Variants in SRGAP1 observed in about 807,000 individuals in gnomAD.
The protein encoded by SRGAP1 is SLIT-ROBO Rho GTPase activating protein 1, also known as SLIT-ROBO Rho GTPase-activating protein 1.
A neutral mutation model predicts 121.9 loss-of-function variants in SRGAP1; 43 were observed. The observed-to-expected ratio is 0.35, with a 90% CI of 0.28 to 0.46. The LOEUF (loss-of-function observed/expected upper bound fraction) is 0.46. Ranked by LOEUF, SRGAP1 falls within the 20% of genes least tolerant of loss-of-function variation. SRGAP1 has a pLI of 1.00. For synonymous variants in SRGAP1, 447 were observed against 485.4 expected, an observed-to-expected ratio of 0.92 and a Z score of 1.04; for missense variants, 1,102 against 1,350.9, an observed-to-expected ratio of 0.82 and a Z score of 2.89.
chr12:63,852,997 A>T (rs979912802), intron 1 of SRGAP1, among the ~76,000 whole-genome samples: 11 of 151,526 alleles, frequency 7.3e-5, no homozygotes, highest in African/African-American at 2.7e-4. Flanking sequence ...ATTATCTAGG[A>T]TGTCCAAACA....
At position 64,158,013 on chromosome 12, in the gene SRGAP1, A is replaced by C. The variant is rs1650312908; in HGVS notation, c.*15341A>C. ...TGGAGGAGACATGAATCACTACTGT[A>C]CATGTCCAAGTCACATGGCAAGGGA... On this transcript the variant is annotated 3_prime_UTR_variant, in exon 22 of 22. Coordinates refer to ENST00000355086, the MANE Select transcript of SRGAP1 (RefSeq NM_020762.4). 1 of 152,248 alleles carries C rather than the reference A, an allele frequency of 6.6e-6. No individual in the cohort carries two copies. The highest frequency in any genetic ancestry group is 1.5e-5 in the Non-Finnish European group (1 of 68,082). The allele number at this position is 152,248 out of a possible 1,614,324, so 9.4% of individuals were successfully genotyped here.
intron 1 of SRGAP1, among the ~76,000 whole-genome samples, chr12:63,924,345 G>A (rs1228274119): frequency 6.6e-6 from 1 of 152,146 alleles, no homozygotes; most frequent in Non-Finnish European, 1.5e-5. Flanking sequence ...TTTCTATAAA[G>A]TACCTCTCAT....
At chr12:63,915,495 A>G (rs1169497187) in intron 1 of SRGAP1, among the ~76,000 whole-genome samples, 3 of 152,248 alleles carry the variant, frequency 2.0e-5, no homozygotes, top group African/African-American at 7.2e-5. Flanking sequence ...GATTGCATTC[A>G]TAGAGAAATA....
At chr12:63,920,394 TC>T (rs1257684537) in intron 1 of SRGAP1, among the ~76,000 whole-genome samples, 3 of 151,798 alleles carry the variant, frequency 2.0e-5, no homozygotes, top group Admixed American at 6.6e-5. Flanking sequence ...AGCAAGAGAG[TC>T]CTTGTGAATA....
At chr12:63,951,239 C>T (rs2032284190) in intron 1 of SRGAP1, among the ~76,000 whole-genome samples, 1 of 128,986 alleles carries the variant, frequency 7.8e-6, no homozygotes, top group Non-Finnish European at 1.6e-5. Context: ...TCTTGGCTCA[C>T]TGCAACCTCC....
intron 1 of SRGAP1, among the ~76,000 whole-genome samples, chr12:63,927,308 G>A (rs1484746592): frequency 1.3e-5 from 2 of 152,142 alleles, no homozygotes; most frequent in Non-Finnish European, 2.9e-5. Flanking sequence ...GACTATGACT[G>A]TACCCCTGGT....
In SRGAP1 at chr12:64,154,561, G is replaced by C. The variant is rs781219113; in HGVS notation, c.*11889G>C. 3 of 152,162 alleles carry C rather than the reference G, an allele frequency of 2.0e-5. No homozygotes were observed. The highest frequency in any genetic ancestry group is 4.4e-5 in the Non-Finnish European group (3 of 68,032). The allele number at this position is 152,162 out of a possible 1,614,324, so 9.4% of individuals were successfully genotyped here. A position where few individuals can be genotyped will look rare whatever the true frequency, so the allele number is the denominator to read the frequency against. The stretch of plus-strand genomic sequence containing the variant: ...GAATCAAGAGTGGCTCCTAGTATTT[G>C]TTTGAGCAAATGGGTGGAATATATT... On this transcript the variant is annotated 3_prime_UTR_variant, in exon 22 of 22. Transcript: ENST00000355086.
chr12:64,007,686 C>T (rs2034127026), intron 3 of SRGAP1, among the ~76,000 whole-genome samples: 1 of 152,152 alleles, frequency 6.6e-6, no homozygotes, highest in Admixed American at 6.5e-5. Flanking sequence ...CTCTATAAGG[C>T]TACAGGAGTT....
intron 1 of SRGAP1, among the ~76,000 whole-genome samples, chr12:63,943,805 A>AT (rs936190307): frequency 2.6e-5 from 4 of 152,132 alleles, no homozygotes; most frequent in Non-Finnish European, 4.4e-5. Flanking sequence ...CATTTAGGTG[A>AT]TTTTTTTAGG....
chr12:63,959,156 G>A (rs184134281), intron 1 of SRGAP1, among the ~76,000 whole-genome samples: 2 of 152,254 alleles, frequency 1.3e-5, no homozygotes, highest in East Asian at 3.9e-4. Context: ...CAGAAAACCA[G>A]ATACCATCTA....
At position 64,137,961 on chromosome 12, in the gene SRGAP1, A is replaced by AAAAAT. The variant is rs372355390; in HGVS notation, c.2881-4333_2881-4332insAAATA. 3.9e-3 allele frequency among the ~76,000 whole-genome samples: 551 copies of AAAAAT among 139,650 alleles called. 2 individuals carry two copies. Among genetic ancestry groups the AAAAAT allele is most frequent in the Admixed American group, 6.4e-3 (90 of 13,984 alleles). The allele number at this position is 139,650 out of a possible 152,430, so 91.6% of individuals were successfully genotyped here. A position where few individuals can be genotyped will look rare whatever the true frequency, so the allele number is the denominator to read the frequency against. On this transcript the variant is annotated intron_variant, in intron 21 of 21. Transcript: ENST00000355086. ...CTTTCTTAATTGTGCTTAAAAAAAA[A>AAAAAT]ATATATATATATATATATATAAAAA...
intron 1 of SRGAP1, among the ~76,000 whole-genome samples, chr12:63,886,828 C>T (rs567282387): frequency 6.6e-6 from 1 of 151,988 alleles, no homozygotes; most frequent in South Asian, 2.1e-4. Flanking sequence ...TCAGAAACAA[C>T]TTCAGAAGAA....
At chr12:63,865,856 G>A (rs1899611040) in intron 1 of SRGAP1, among the ~76,000 whole-genome samples, 1 of 152,192 alleles carries the variant, frequency 6.6e-6, no homozygotes, top group South Asian at 2.1e-4. Flanking sequence ...ACAAGCAGCA[G>A]ATCACCACAC....
chr12:63,926,319 C>T (rs1205663659), intron 1 of SRGAP1, among the ~76,000 whole-genome samples: 1 of 152,096 alleles, frequency 6.6e-6, no homozygotes, highest in Non-Finnish European at 1.5e-5. Context: ...CTATTCTATT[C>T]AGACAATCTT....
rs748723181 is a variant in SRGAP1, at chr12:64,127,886, C to T, written c.2566C>T (p.Pro856Ser). Residue 856 changes from proline to serine, a missense_variant, in exon 21 of 22, where the codon CCT (proline) becomes TCT (serine). Around this residue, in one of 3 missense-constraint regions of SRGAP1, gnomAD observed 315 missense variants for 343.1 expected, o/e 0.92. Coordinates refer to ENST00000355086, the MANE Select transcript of SRGAP1 (RefSeq NM_020762.4). ...GCAACGAAAAAGAGGAGAGCCACCCCCTCCAGTAAGGCGTCCTGGCAGGAC... is the reference window on the plus strand; with the variant it reads ...GCAACGAAAAAGAGGAGAGCCACCCTCTCCAGTAAGGCGTCCTGGCAGGAC... Reference protein sequence around the residue: ...ARQRKRGEPPPPVRRPGRTSD... With the variant: ...ARQRKRGEPPSPVRRPGRTSD... 38 of 1,612,324 alleles carry T rather than the reference C, an allele frequency of 2.4e-5. No individual in the cohort carries two copies. The highest frequency in any genetic ancestry group is 3.0e-5 in the Non-Finnish European group (35 of 1,178,850).
At chr12:63,848,502 T>C (rs1220880292) in intron 1 of SRGAP1, among the ~76,000 whole-genome samples, 1 of 152,164 alleles carries the variant, frequency 6.6e-6, no homozygotes, top group Admixed American at 6.5e-5. Context: ...TTCGGTTTTC[T>C]TATCTATAAG....
rs796532210 is a variant in SRGAP1, at chr12:64,072,100, A to ATC, written c.1126-6811_1126-6810dup. Among the ~76,000 whole-genome samples, 165 of 60,552 alleles carry ATC rather than the reference A, an allele frequency of 2.7e-3. 1 individual carries two copies. The highest frequency in any genetic ancestry group is 6.7e-3 in the African/African-American group (139 of 20,802). 39.7% of individuals were successfully genotyped at this position (60,552 alleles called of 152,430 possible). ...GCTAATTAATTACGGAGTTGACCCA[A>ATC]TCTCTCTCTGTGTGTGTGTGTGTGT... On this transcript the variant is annotated intron_variant, in intron 8 of 21. Coordinates refer to ENST00000355086, the MANE Select transcript of SRGAP1 (RefSeq NM_020762.4).
chr12:64,028,981 T>G (rs2034714144), intron 4 of SRGAP1, among the ~76,000 whole-genome samples: 1 of 152,258 alleles, frequency 6.6e-6, no homozygotes, highest in African/African-American at 2.4e-5. Flanking sequence ...TATTCATTTT[T>G]CCAACCTTAC....
intron 1 of SRGAP1, among the ~76,000 whole-genome samples, chr12:63,908,668 G>A (rs1388257063): frequency 6.6e-6 from 1 of 152,112 alleles, no homozygotes; most frequent in Admixed American, 6.5e-5. Flanking sequence ...GGGATTACAG[G>A]CATGAGCCAC....
Sources: allele counts gnomAD v4.1 joint callset (sites outside exome capture counted in the v4.1 genomes callset), GRCh38; gene constraint gnomAD v4.1.1; regional missense constraint gnomAD v4.1.1; transcripts MANE v1.5; gene names NCBI Gene and HGNC (gene_info 2026-07-23, HGNC 2026-07-21).